The following FBXO34 variants were observed in gnomAD, a reference collection of about 807,000 sequenced individuals.
FBXO34 encodes F-box only protein 34.
FBXO34 carries 12 observed loss-of-function variants against 24.5 expected under a neutral mutation model. The ratio of observed to expected loss-of-function variants is 0.49; its 90% CI spans 0.31 to 0.79. The LOEUF (loss-of-function observed/expected upper bound fraction) is 0.79, where lower values mean the gene tolerates loss of function less well. Ranked by LOEUF, FBXO34 falls within the 30% of genes least tolerant of loss-of-function variation. FBXO34 has a pLI of 0.04. For synonymous variants in FBXO34, 320 were observed against 311.9 expected (o/e 1.03, Z -0.27); for missense variants, 823 against 857.7 (o/e 0.96, Z 0.51).
the FBXO34 span, among the ~76,000 whole-genome samples, chr14:55,379,679 G>C: frequency 1.3e-5 from 2 of 152,206 alleles, no homozygotes; most frequent in Non-Finnish European, 2.9e-5. Flanking sequence ...GTAGTAGGAA[G>C]ATTGTAGTGC....
intron 1 of FBXO34, among the ~76,000 whole-genome samples, chr14:55,297,048 A>G (rs1382705433): frequency 6.6e-6 from 1 of 152,108 alleles, no homozygotes; most frequent in African/African-American, 2.4e-5. Context: ...TAGGATGCAA[A>G]TGTACTTTCC....
chr14:55,345,649 T>C (rs540706197), intron 1 of FBXO34, among the ~76,000 whole-genome samples: 1 of 152,052 alleles, frequency 6.6e-6, no homozygotes, highest in South Asian at 2.1e-4. Flanking sequence ...GGGCAGCAAC[T>C]ATGTTTTACT....
At chr14:55,278,694 G>T (rs1881427564) in intron 1 of FBXO34, among the ~76,000 whole-genome samples, 2 of 152,150 alleles carry the variant, frequency 1.3e-5, no homozygotes, top group Admixed American at 1.3e-4. Context: ...GGTAATACCT[G>T]TTTCTTTTTT....
At chr14:55,353,703 T>G (rs540448117), downstream of FBXO34, 1 of 166,006 alleles carries the variant, frequency 6.0e-6, no homozygotes, top group South Asian at 2.1e-4. Flanking sequence ...TAAATTGTTT[T>G]GAATTGTTGG....
At chr14:55,377,906 TA>T in the FBXO34 span, 19 of 1,599,330 alleles carry the variant, frequency 1.2e-5, no homozygotes, top group African/African-American at 5.4e-5. Context: ...ATTTACATGC[TA>T]AAAAAAATTA....
At chr14:55,357,910 T>C (rs983201583), downstream of FBXO34, among the ~76,000 whole-genome samples, 6 of 152,124 alleles carry the variant, frequency 3.9e-5, no homozygotes, top group African/African-American at 1.2e-4. Context: ...GAAAGCAAGG[T>C]TGTATTTAAT....
intron 1 of FBXO34, among the ~76,000 whole-genome samples, chr14:55,279,217 C>T (rs868698903): frequency 2.7e-5 from 4 of 149,202 alleles, no homozygotes; most frequent in East Asian, 2.0e-4. Context: ...ACCCGGGAGA[C>T]GGAGGCTGCA....
chr14:55,381,769 C>T, the FBXO34 span, among the ~76,000 whole-genome samples: 1 of 152,168 alleles, frequency 6.6e-6, no homozygotes, highest in Admixed American at 6.5e-5. Flanking sequence ...GGAAATGTGA[C>T]ACTTTCATGC....
intron 1 of FBXO34, among the ~76,000 whole-genome samples, chr14:55,273,198 A>G (rs1219542085): frequency 6.6e-6 from 1 of 151,688 alleles, no homozygotes; most frequent in African/African-American, 2.4e-5. Flanking sequence ...CTCTCTCTCA[A>G]TACTTCCTGC....
chr14:55,371,773 T>C (rs534440115), downstream of FBXO34, among the ~76,000 whole-genome samples: 10 of 151,348 alleles, frequency 6.6e-5, no homozygotes, highest in South Asian at 2.1e-4. Context: ...CAGTGCACTC[T>C]AGCCTGGGCG....
intron 1 of FBXO34, among the ~76,000 whole-genome samples, chr14:55,320,888 T>A (rs1399672032): frequency 6.6e-6 from 1 of 152,246 alleles, no homozygotes; most frequent in Non-Finnish European, 1.5e-5. Flanking sequence ...TGGGAACATG[T>A]CAGCTGTAAA....
chr14:55,429,548 G>A, the FBXO34 span, among the ~76,000 whole-genome samples: 1 of 152,186 alleles, frequency 6.6e-6, no homozygotes, highest in Non-Finnish European at 1.5e-5. Context: ...CAGCTCACCT[G>A]AGGACAGTAG....
At chr14:55,421,734 A>G in the FBXO34 span, among the ~76,000 whole-genome samples, 1 of 152,196 alleles carries the variant, frequency 6.6e-6, no homozygotes, top group African/African-American at 2.4e-5. Flanking sequence ...AAGTGCTGGG[A>G]TTACAGGCGT....
At chr14:55,287,107 T>C (rs1881789235) in intron 1 of FBXO34, among the ~76,000 whole-genome samples, 1 of 152,068 alleles carries the variant, frequency 6.6e-6, no homozygotes, top group East Asian at 1.9e-4. Context: ...GGTTTCACCT[T>C]GTTGGCCAGG....
At chr14:55,309,690 T>A (rs1277369214) in intron 1 of FBXO34, among the ~76,000 whole-genome samples, 4 of 152,352 alleles carry the variant, frequency 2.6e-5, no homozygotes, top group African/African-American at 9.6e-5. Flanking sequence ...GTCTGTTTTT[T>A]ATTTTTTTGC....
At chr14:55,296,906 TTGTTC>T (rs60467596) in intron 1 of FBXO34, among the ~76,000 whole-genome samples, 45,747 of 151,838 alleles carry the variant, frequency 0.3, 7,135 homozygotes, top group Non-Finnish European at 0.33. Flanking sequence ...ATGCAAATAT[TTGTTC>T]TGTTCTAAGG....
chr14:55,389,923 G>T, the FBXO34 span, among the ~76,000 whole-genome samples: 2 of 151,862 alleles, frequency 1.3e-5, no homozygotes, highest in Non-Finnish European at 2.9e-5. Context: ...TATGATGTAA[G>T]ATTAATACAG....
chr14:55,282,889 G>A (rs8021583), intron 1 of FBXO34, among the ~76,000 whole-genome samples: 60,140 of 152,080 alleles, frequency 0.4, 12,164 homozygotes, highest in Non-Finnish European at 0.42. Context: ...TTTGAGTTTC[G>A]TAAGGTAGTC....
At chr14:55,408,376 G>C in the FBXO34 span, among the ~76,000 whole-genome samples, 8 of 152,126 alleles carry the variant, frequency 5.3e-5, no homozygotes, top group Admixed American at 2.0e-4. Context: ...AATCGCTTGA[G>C]AACAGGGAGG....
Sources: gnomAD v4.1 joint callset for allele counts (sites outside exome capture counted in the v4.1 genomes callset) on GRCh38, gnomAD v4.1.1 for gene constraint, MANE v1.5 for transcripts, NCBI Gene and HGNC (gene_info 2026-07-23, HGNC 2026-07-21) for gene names.